The following ARHGAP23 variants were observed in gnomAD, a reference collection of about 807,000 sequenced individuals.
ARHGAP23 encodes the protein rho GTPase-activating protein 23.
A neutral mutation model predicts 136.3 loss-of-function variants in ARHGAP23; 34 were observed. The ratio of observed to expected loss-of-function variants is 0.25; its 90% CI spans 0.19 to 0.33. The LOEUF (loss-of-function observed/expected upper bound fraction) is 0.33. ARHGAP23 is among the 10% of genes least tolerant of loss of function. ARHGAP23 has a pLI of 1.00. For synonymous variants in ARHGAP23, 832 were observed against 920.5 expected, an observed-to-expected ratio of 0.90 and a Z score of 1.74; for missense variants, 1,808 against 2,139.0, an observed-to-expected ratio of 0.85 and a Z score of 3.05.
intron 7 of ARHGAP23, 114 bp downstream of exon 7, chr17:38,467,445 A>T: frequency 3.2e-6 from 3 of 950,790 alleles, no homozygotes; most frequent in African/African-American, 1.7e-5. Context: ...TGCTGGTGGG[A>T]TCATCTTGTT....
At chr17:38,466,031 C>T in intron 6 of ARHGAP23, 136 bp from the exon 7 acceptor site, 1 of 623,286 alleles carries the variant, frequency 1.6e-6, no homozygotes, top group Non-Finnish European at 2.5e-6. Context: ...CCACTTATGC[C>T]TCTCCCTCGT....
intron 1 of ARHGAP23, among the ~76,000 whole-genome samples, chr17:38,435,781 A>T (rs1367697530): frequency 6.6e-6 from 1 of 152,088 alleles, no homozygotes; most frequent in African/African-American, 2.4e-5. Flanking sequence ...TTGTATTTTT[A>T]GTAGAGATGG....
At chr17:38,494,154 G>A (rs572079565) in intron 20 of ARHGAP23, among the ~76,000 whole-genome samples, 4 of 152,280 alleles carry the variant, frequency 2.6e-5, no homozygotes, top group Non-Finnish European at 1.5e-5. Flanking sequence ...GGGGATTGAC[G>A]GCAGTGGCTC....
At chr17:38,465,229 C>G (rs183279744) in intron 6 of ARHGAP23, among the ~76,000 whole-genome samples, 2 of 147,068 alleles carry the variant, frequency 1.4e-5, no homozygotes, top group Non-Finnish European at 3.0e-5. Context: ...GCTGAGTGTG[C>G]GGGGGTGTGG....
Position 38,511,199 on chromosome 17 carries a change from G to C in ARHGAP23, c.*227G>C, listed in dbSNP as rs1487631348. The stretch of plus-strand genomic sequence containing the variant: ...GGGGTTCCAGAGGTGATGAGCAGAA[G>C]AGGAGGGGGCGTGGGCTGCTGGGGT... On this transcript the variant is annotated 3_prime_UTR_variant, in exon 24 of 24. Transcript: ENST00000622683. 11 of 506,406 alleles carry C rather than the reference G, an allele frequency of 2.2e-5. No individual in the cohort carries two copies. The highest frequency in any genetic ancestry group is 3.3e-5 in the Non-Finnish European group (10 of 301,922). 31.4% of individuals were successfully genotyped at this position (506,406 alleles called of 1,614,324 possible). A position where few individuals can be genotyped will look rare whatever the true frequency, so the allele number is the denominator to read the frequency against.
chr17:38,509,123 G>A (rs1245173745), intron 23 of ARHGAP23, among the ~76,000 whole-genome samples: 1 of 152,024 alleles, frequency 6.6e-6, no homozygotes, highest in African/African-American at 2.4e-5. Flanking sequence ...CCAGCTTCCA[G>A]AAGGCCATGG....
intron 1 of ARHGAP23, among the ~76,000 whole-genome samples, chr17:38,436,556 C>T (rs2038802724): frequency 6.6e-6 from 1 of 152,228 alleles, no homozygotes; most frequent in African/African-American, 2.4e-5. Flanking sequence ...TCACTGGTTG[C>T]TCGTGCTCTG....
In ARHGAP23 at chr17:38,500,431, T is replaced by C. The variant is rs1486788013; in HGVS notation, c.3416-166T>C. The C allele has an allele frequency of 1.8e-5, 11 of 626,592 alleles. No homozygotes were observed. In the East Asian group the frequency reaches 2.5e-4, roughly 14 times the overall value. The allele number at this position is 626,592 out of a possible 1,614,324, so 38.8% of individuals were successfully genotyped here. A position where few individuals can be genotyped will look rare whatever the true frequency, so the allele number is the denominator to read the frequency against. On this transcript the variant is annotated intron_variant, in intron 22 of 23. Transcript: ENST00000622683. Reference sequence around the variant, plus strand: ...CATTTTCTCCTCCATCCCTCTCCCATAGATGGACATCAGATGTCCATCATA... The same window carrying C: ...CATTTTCTCCTCCATCCCTCTCCCACAGATGGACATCAGATGTCCATCATA...
chr17:38,445,639 CTTTT>C (rs10708272), intron 1 of ARHGAP23, among the ~76,000 whole-genome samples: 1 of 145,026 alleles, frequency 6.9e-6, no homozygotes, highest in Non-Finnish European at 1.5e-5. Context: ...TCATTCATTC[CTTTT>C]TTTTTTTTTG....
chr17:38,488,711 G>A (rs2040208565), intron 17 of ARHGAP23, among the ~76,000 whole-genome samples: 1 of 152,014 alleles, frequency 6.6e-6, no homozygotes, highest in Admixed American at 6.6e-5. Context: ...ATCATGCCCA[G>A]CTAATTTTTG....
At chr17:38,469,478 C>T (rs2039691823) in intron 8 of ARHGAP23, 46 bp from the exon 9 acceptor site, 1 of 1,525,022 alleles carries the variant, frequency 6.6e-7, no homozygotes, top group African/African-American at 1.4e-5. Flanking sequence ...AAGCCCCTGA[C>T]CTGCTGCCCC....
Position 38,467,260 on chromosome 17 carries a change from G to A in ARHGAP23, c.1577G>A (p.Gly526Glu), listed in dbSNP as rs1229607341. 3 of 1,548,114 alleles carry A rather than the reference G, an allele frequency of 1.9e-6. No individual in the cohort carries two copies. The highest frequency in any genetic ancestry group is 2.6e-6 in the Non-Finnish European group (3 of 1,145,196). ...CCAGAGCCAGAGGCCAGTGGGCGAG[G>A]GGAACGCCTGGGCAGGAAGGTGGCC... ...ESPEPEASGR[G>E]ERLGRKVAPL... The change falls in exon 7 of 24, where the codon GGG (glycine) becomes GAG (glutamate). Residue 526 changes from glycine (G) to glutamate (E), a missense_variant. By Grantham distance (98) the Gly-to-Glu change is moderately conservative. Transcript: ENST00000622683.
rs373716358 is a variant in ARHGAP23, at chr17:38,504,458, C to T, written c.3447+3830C>T. Among the ~76,000 whole-genome samples the T allele has an allele frequency of 2.4e-4, 37 of 152,302 alleles. No homozygotes were observed. The East Asian group carries it at 4.6e-3, about 19-fold the overall frequency. On this transcript the variant is annotated intron_variant, in intron 23 of 23. Coordinates refer to ENST00000622683, the MANE Select transcript of ARHGAP23 (RefSeq NM_001199417.2). ...TGCCTCGGGCACCAGGGCCTGGCCTCCCGCCAGGCTGTGAGCTCTGAGGGT... is the reference window on the plus strand; with the variant it reads ...TGCCTCGGGCACCAGGGCCTGGCCTTCCGCCAGGCTGTGAGCTCTGAGGGT...
chr17:38,454,202 G>T, intron 1 of ARHGAP23: 1 of 153,030 alleles, frequency 6.5e-6, no homozygotes, highest in South Asian at 1.8e-4. Flanking sequence ...GAGTGGGACT[G>T]GGTCACCAAC....
At chr17:38,468,136 G>C (rs545712340) in intron 7 of ARHGAP23, among the ~76,000 whole-genome samples, 1 of 152,336 alleles carries the variant, frequency 6.6e-6, no homozygotes, top group South Asian at 2.1e-4. Context: ...TTCAAGGAGA[G>C]GGAATAGAAT....
intron 10 of ARHGAP23, 64 bp from the exon 11 acceptor site, chr17:38,471,799 G>C: frequency 6.8e-7 from 1 of 1,463,342 alleles, no homozygotes; most frequent in Non-Finnish European, 9.3e-7. Context: ...AGTGGTCCAT[G>C]GGGTTCCTGA....
rs572591881 is a variant in ARHGAP23 at position 38,459,955 on chromosome 17, G to A, written c.226-950G>A. ...TCATTGGGGTGCCACAGAGGCCTGG[G>A]TTCCAGCCCTGGCTCTGCCACTGAG... On this transcript the variant is annotated intron_variant, in intron 2 of 23. Transcript: ENST00000622683. Among the ~76,000 whole-genome samples the A allele has an allele frequency of 4.6e-5, 7 of 152,348 alleles. No homozygotes were observed. In the South Asian group the frequency reaches 1.4e-3, roughly 32 times the overall value.
intron 1 of ARHGAP23, among the ~76,000 whole-genome samples, chr17:38,435,477 T>C (rs1311193998): frequency 6.6e-6 from 1 of 152,166 alleles, no homozygotes; most frequent in Admixed American, 6.5e-5. Context: ...GACTGAGCAA[T>C]GCACAGGGGA....
chr17:38,501,944 T>C (rs1486040865), intron 23 of ARHGAP23, among the ~76,000 whole-genome samples: 1 of 151,592 alleles, frequency 6.6e-6, no homozygotes. Context: ...TTTAAATATT[T>C]GAATTATTTA....
Sources: gnomAD v4.1 joint callset for allele counts (sites outside exome capture counted in the v4.1 genomes callset) on GRCh38, gnomAD v4.1.1 for gene constraint, MANE v1.5 for transcripts, NCBI Gene and HGNC (gene_info 2026-07-23, HGNC 2026-07-21) for gene names.